PPA2: variants seen among roughly 807,000 people sequenced by gnomAD.
PPA2 encodes the protein inorganic pyrophosphatase 2.
Under a neutral mutation model 49.5 loss-of-function variants are expected in PPA2, and 48 were observed. The ratio of observed to expected loss-of-function variants is 0.97; its 90% CI spans 0.77 to 1.23. The LOEUF is 1.23. Ranked by LOEUF, PPA2 falls within the 50% of genes most tolerant of loss-of-function variation. The probability of loss-of-function intolerance (pLI) is 0.00; values close to 1 mark genes in which losing one functional copy is unlikely to be tolerated. For synonymous variants in PPA2, 131 were observed against 139.9 expected, an observed-to-expected ratio of 0.94 and a Z score of 0.45; for missense variants, 429 against 410.1, an observed-to-expected ratio of 1.05 and a Z score of -0.40.
intron 10 of PPA2, among the ~76,000 whole-genome samples, chr4:105,377,473 T>C (rs1356862721): frequency 1.3e-5 from 2 of 152,112 alleles, no homozygotes; most frequent in East Asian, 3.8e-4. Context: ...TTTCAGGTTA[T>C]AAATTAAAGA....
At chr4:105,465,000 A>G (rs1284150720) in intron 1 of PPA2, among the ~76,000 whole-genome samples, 1 of 152,178 alleles carries the variant, frequency 6.6e-6, no homozygotes, top group Non-Finnish European at 1.5e-5. Context: ...AATGTTCTGT[A>G]ATCATACTGA....
At position 105,398,337 on chromosome 4, in the gene PPA2, C is replaced by T. The variant is rs1264130689; in HGVS notation, c.783+700G>A. 6.3e-5 allele frequency: 4 copies of T among 63,308 alleles called. No homozygotes were observed. The South Asian group carries it at 2.8e-3, about 44-fold the overall frequency. 3.9% of individuals were successfully genotyped at this position (63,308 alleles called of 1,614,324 possible). A position where few individuals can be genotyped will look rare whatever the true frequency, so the allele number is the denominator to read the frequency against. On this transcript the variant is annotated intron_variant, in intron 8 of 11. Transcript: ENST00000341695. ...CTTTTAATGTGCTTTCAAAAAAACACTGAGTCCAGCAATCAATTCTTTTAC... is the reference window on the plus strand; with the variant it reads ...CTTTTAATGTGCTTTCAAAAAAACATTGAGTCCAGCAATCAATTCTTTTAC...
intron 8 of PPA2, among the ~76,000 whole-genome samples, 167 bp from the exon 9 acceptor site, chr4:105,396,501 T>C (rs1408950020): frequency 1.3e-5 from 2 of 152,222 alleles, no homozygotes; most frequent in Admixed American, 6.5e-5. Flanking sequence ...GCTGTGTGAC[T>C]TTGGGCAGGT....
intron 7 of PPA2, among the ~76,000 whole-genome samples, chr4:105,410,164 T>G (rs1722683193): frequency 6.6e-6 from 1 of 152,062 alleles, no homozygotes; most frequent in African/African-American, 2.4e-5. Context: ...CTAAAAACCT[T>G]GAAAAAGGTT....
chr4:105,417,008 T>C (rs1436784711), intron 7 of PPA2, among the ~76,000 whole-genome samples: 11 of 152,204 alleles, frequency 7.2e-5, no homozygotes, highest in Admixed American at 3.3e-4. Context: ...TCTCAAAATA[T>C]AGACATTCAT....
At chr4:105,399,240 A>G in intron 7 of PPA2, 76 bp from the exon 8 acceptor site, 1 of 1,431,746 alleles carries the variant, frequency 7.0e-7, no homozygotes, top group Non-Finnish European at 9.4e-7. Context: ...CATTGGACTG[A>G]GGGAGCCAGG....
chr4:105,380,264 G>A (rs771674307), intron 10 of PPA2, among the ~76,000 whole-genome samples: 3 of 152,092 alleles, frequency 2.0e-5, no homozygotes, highest in Non-Finnish European at 2.9e-5. Context: ...TTTCATGCAA[G>A]CTGTCAAATT....
At position 105,396,249 on chromosome 4, in the gene PPA2, C is replaced by G. The variant is rs865942175; in HGVS notation, c.869G>C (p.Cys290Ser). 2 of 1,546,428 alleles carry G rather than the reference C, an allele frequency of 1.3e-6. No homozygotes were observed. Among genetic ancestry groups the G allele is most frequent in the African/African-American group, 2.7e-5 (2 of 73,306 alleles). The change falls in exon 9 of 12, where the codon TGC becomes TCC. Residue 290 changes from cysteine (C) to serine (S), a missense_variant and splice_region_variant. By Grantham distance (112) the Cys-to-Ser change is moderately radical. Transcript: ENST00000341695. ...TTACATAGAAAAGACAAATTCTTAC[C>G]AATTTATAGCTCCTCCATTACACTT... is the stretch of plus-strand genomic sequence containing the variant. ...MKKCNGGAIN[C>S]TNVQISDSPF...
chr4:105,402,778 C>G (rs988607929), intron 7 of PPA2, among the ~76,000 whole-genome samples: 5 of 152,052 alleles, frequency 3.3e-5, no homozygotes, highest in Non-Finnish European at 5.9e-5. Context: ...TAAGGGGCTG[C>G]TAAGAGAGTC....
intron 3 of PPA2, among the ~76,000 whole-genome samples, chr4:105,450,896 C>T (rs1197801903): frequency 1.3e-5 from 2 of 152,130 alleles, no homozygotes; most frequent in East Asian, 1.9e-4. Flanking sequence ...CGTGAGCCAC[C>T]GCGCCCTGCC....
intron 7 of PPA2, among the ~76,000 whole-genome samples, chr4:105,411,379 C>T (rs912480533): frequency 2.0e-5 from 3 of 152,140 alleles, no homozygotes; most frequent in Admixed American, 6.5e-5. Flanking sequence ...AATATATATG[C>T]ACCCAGTACA....
At chr4:105,433,478 G>A (rs1723908453) in intron 6 of PPA2, among the ~76,000 whole-genome samples, 1 of 152,210 alleles carries the variant, frequency 6.6e-6, no homozygotes, top group African/African-American at 2.4e-5. Context: ...AATGGGAGAT[G>A]AGCAGATTTA....
At chr4:105,428,916 A>T (rs1322777652) in intron 6 of PPA2, among the ~76,000 whole-genome samples, 6 of 152,240 alleles carry the variant, frequency 3.9e-5, no homozygotes, top group Non-Finnish European at 5.9e-5. Flanking sequence ...CTTTAGGGGT[A>T]TAAAAAGATG....
chr4:105,396,114 T>C (rs1734130713), intron 9 of PPA2, 135 bp downstream of exon 9: 2 of 486,360 alleles, frequency 4.1e-6, no homozygotes, highest in South Asian at 8.8e-5. Context: ...CAACACTTAG[T>C]AATGCCCAAT....
intron 5 of PPA2, among the ~76,000 whole-genome samples, chr4:105,443,168 A>C (rs551127906): frequency 2.6e-4 from 40 of 152,252 alleles, no homozygotes; most frequent in African/African-American, 9.4e-4. Context: ...AGTAGGGTTA[A>C]AAGTTTTAAA....
At chr4:105,409,921 A>G (rs578133146) in intron 7 of PPA2, among the ~76,000 whole-genome samples, 2 of 152,350 alleles carry the variant, frequency 1.3e-5, no homozygotes, top group African/African-American at 4.8e-5. Flanking sequence ...ACCAACATCA[A>G]AGACCAAAGG....
chr4:105,430,295 T>C (rs143282653), intron 6 of PPA2, among the ~76,000 whole-genome samples: 177 of 152,366 alleles, frequency 1.2e-3, no homozygotes, highest in Non-Finnish European at 2.0e-3. Context: ...CTGCATGGAA[T>C]TGTAATTAGT....
intron 7 of PPA2, chr4:105,423,214 C>T (rs1723330767): frequency 6.6e-6 from 1 of 152,108 alleles, no homozygotes; most frequent in African/African-American, 2.4e-5. Flanking sequence ...TATCAGACCT[C>T]TCCCTTTCTC....
chr4:105,423,892 A>G (rs2110269446), intron 7 of PPA2, among the ~76,000 whole-genome samples: 1 of 152,242 alleles, frequency 6.6e-6, no homozygotes, highest in South Asian at 2.1e-4. Flanking sequence ...CTTTCAAAAC[A>G]GTTCCCAACA....
Sources: gnomAD v4.1 joint callset for allele counts (sites outside exome capture counted in the v4.1 genomes callset) on GRCh38, gnomAD v4.1.1 for gene constraint, MANE v1.5 for transcripts, NCBI Gene and HGNC (gene_info 2026-07-23, HGNC 2026-07-21) for gene names.